Variants in C12orf42 observed in about 807,000 individuals in gnomAD.
C12orf42 encodes the protein chromosome 12 open reading frame 42.
Under a neutral mutation model 21.6 loss-of-function variants are expected in C12orf42, and 25 were observed. The observed-to-expected ratio is 1.16, with a 90% CI of 0.84 to 1.62. C12orf42 has a LOEUF of 1.62. Among genes scored for constraint, C12orf42 ranks in the 40% most tolerant of loss-of-function variants. The pLI is 0.00. For synonymous variants in C12orf42, 174 were observed against 175.0 expected (o/e 0.99, Z 0.05); for missense variants, 483 against 459.3 (o/e 1.05, Z -0.47).
the C12orf42 span, among the ~76,000 whole-genome samples, chr12:103,515,728 C>CT: frequency 1.3e-5 from 2 of 152,078 alleles, no homozygotes; most frequent in Non-Finnish European, 1.5e-5. Flanking sequence ...ATGTGCAAGA[C>CT]TGCATTAAAT....
At chr12:103,504,790 G>T in the C12orf42 span, 1 of 154,038 alleles carries the variant, frequency 6.5e-6, no homozygotes, top group South Asian at 1.9e-4. Context: ...CATGCTGGGG[G>T]GTACTGGGGT....
intron 2 of C12orf42, among the ~76,000 whole-genome samples, chr12:103,414,329 ATTGT>A (rs146591684): frequency 0.15 from 22,890 of 151,242 alleles, 2,012 homozygotes; most frequent in South Asian, 0.22. Flanking sequence ...TTTTTATGGG[ATTGT>A]TTGTTTTTTT....
intron 2 of C12orf42, among the ~76,000 whole-genome samples, chr12:103,423,362 G>A (rs887358260): frequency 2.0e-5 from 3 of 152,158 alleles, no homozygotes; most frequent in African/African-American, 7.2e-5. Flanking sequence ...ATCAAGTTCT[G>A]GCCTGTTGTA....
intron 3 of C12orf42, among the ~76,000 whole-genome samples, chr12:103,383,044 C>A (rs1345953668): frequency 6.6e-6 from 1 of 152,072 alleles, no homozygotes; most frequent in African/African-American, 2.4e-5. Flanking sequence ...GTCCTTGTCA[C>A]AATATGATAC....
At chr12:103,381,060 C>T (rs138608623) in intron 3 of C12orf42, among the ~76,000 whole-genome samples, 92 of 152,264 alleles carry the variant, frequency 6.0e-4, no homozygotes, top group African/African-American at 2.0e-3. Flanking sequence ...TGATATGTCT[C>T]GAGCTGCTTG....
At chr12:103,469,431 C>T (rs1292824319) in intron 2 of C12orf42, among the ~76,000 whole-genome samples, 2 of 152,188 alleles carry the variant, frequency 1.3e-5, no homozygotes, top group Non-Finnish European at 2.9e-5. Context: ...GATGCAGTTC[C>T]TGCCAGTTTT....
chr12:103,143,393 A>G, the C12orf42 span, among the ~76,000 whole-genome samples: 2 of 152,212 alleles, frequency 1.3e-5, no homozygotes, highest in Admixed American at 1.3e-4. Flanking sequence ...CTGGTAGTTT[A>G]TCTTCGGTAG....
At chr12:103,513,543 T>C in the C12orf42 span, among the ~76,000 whole-genome samples, 284 of 152,270 alleles carry the variant, frequency 1.9e-3, 1 homozygote, top group Admixed American at 5.9e-3. Flanking sequence ...AACTTTATGA[T>C]CAGCCTTCCC....
the C12orf42 span, among the ~76,000 whole-genome samples, chr12:103,048,341 T>A: frequency 1.3e-5 from 2 of 152,198 alleles, no homozygotes; most frequent in African/African-American, 4.8e-5. Flanking sequence ...AAAATAGGAA[T>A]AATAACATCT....
chr12:103,437,272 T>A (rs1033977681), intron 2 of C12orf42, among the ~76,000 whole-genome samples: 1 of 151,990 alleles, frequency 6.6e-6, no homozygotes, highest in African/African-American at 2.4e-5. Flanking sequence ...AGAGGGAAAT[T>A]TATAGCACTA....
At chr12:103,296,853 T>C (rs1352931921) in intron 4 of C12orf42, among the ~76,000 whole-genome samples, 2 of 152,086 alleles carry the variant, frequency 1.3e-5, no homozygotes, top group African/African-American at 2.4e-5. Flanking sequence ...TGCAGAAGCT[T>C]TTTAGTTTAA....
the C12orf42 span, among the ~76,000 whole-genome samples, chr12:103,193,242 T>A: frequency 6.6e-6 from 1 of 150,414 alleles, no homozygotes; most frequent in African/African-American, 2.4e-5. Context: ...AAAGCAATAT[T>A]AAGAGAAAAT....
chr12:103,238,952 C>T (rs1411648338), intron 10 of C12orf42, among the ~76,000 whole-genome samples: 1 of 152,194 alleles, frequency 6.6e-6, no homozygotes, highest in Admixed American at 6.5e-5. Context: ...CCATGGCTGG[C>T]AGCTGAGGAG....
the C12orf42 span, among the ~76,000 whole-genome samples, chr12:103,222,559 G>A: frequency 6.6e-6 from 1 of 152,176 alleles, no homozygotes; most frequent in East Asian, 1.9e-4. Flanking sequence ...TGAGCTCAGA[G>A]GCCTGACAAT....
intron 10 of C12orf42, among the ~76,000 whole-genome samples, chr12:103,239,197 AT>A (rs1380092246): frequency 1.3e-5 from 2 of 152,200 alleles, no homozygotes; most frequent in Non-Finnish European, 2.9e-5. Context: ...AAGACTTAAA[AT>A]ACTGCTTAAA....
At chr12:103,183,052 A>G in the C12orf42 span, among the ~76,000 whole-genome samples, 1 of 152,222 alleles carries the variant, frequency 6.6e-6, no homozygotes, top group African/African-American at 2.4e-5. Flanking sequence ...ATTTGTATAA[A>G]GTTGGTTTAA....
chr12:103,197,841 C>T, the C12orf42 span, among the ~76,000 whole-genome samples: 1 of 152,182 alleles, frequency 6.6e-6, no homozygotes. Flanking sequence ...AGCCTCAGCT[C>T]AGCACTCCTG....
chr12:103,073,885 T>A, the C12orf42 span, among the ~76,000 whole-genome samples: 1 of 152,170 alleles, frequency 6.6e-6, no homozygotes, highest in African/African-American at 2.4e-5. Context: ...CTCATGCCTA[T>A]TTTAAGAGAC....
chr12:103,395,628 C>T lies in C12orf42; in HGVS notation c.147+5979G>A, dbSNP rs567209879. 1.3e-4 allele frequency among the ~76,000 whole-genome samples: 20 copies of T among 152,272 alleles called. No homozygotes were observed. The South Asian group carries it at 3.9e-3, about 30-fold the overall frequency. On this transcript the variant is annotated intron_variant, in intron 3 of 5. Coordinates refer to ENST00000548883, the MANE Select transcript of C12orf42 (RefSeq NM_198521.5). ...GGGATTACAGGCGTGAGCCACCACG[C>T]CAGGTCCAGACCCATTATTCTTACA...
Sources: gnomAD v4.1 joint callset for allele counts (sites outside exome capture counted in the v4.1 genomes callset) on GRCh38, gnomAD v4.1.1 for gene constraint, MANE v1.5 for transcripts, NCBI Gene and HGNC (gene_info 2026-07-23, HGNC 2026-07-21) for gene names.